The following EYS variants were observed in gnomAD, a reference collection of about 807,000 sequenced individuals.
EYS encodes the protein EGF-like photoreceptor maintenance factor.
In EYS, 250 loss-of-function variants were observed where a neutral mutation model predicts 282.1. The ratio of observed to expected loss-of-function variants is 0.89; its 90% CI spans 0.80 to 0.98. The LOEUF (loss-of-function observed/expected upper bound fraction) is 0.98. EYS is among the 50% of genes least tolerant of loss of function. The pLI, the probability that EYS is intolerant of heterozygous loss-of-function variation, is 0.00. For synonymous variants in EYS, 1,355 were observed against 1,282.9 expected (o/e 1.06, Z -1.20); for missense variants, 4,016 against 3,709.0 (o/e 1.08, Z -2.15).
chr6:63,913,475 C>T (rs1322981537), intron 35 of EYS, among the ~76,000 whole-genome samples: 1 of 152,208 alleles, frequency 6.6e-6, no homozygotes, highest in African/African-American at 2.4e-5. Flanking sequence ...AAGCTCCATG[C>T]CCATTATCAT....
At chr6:65,057,775 T>C (rs759511671) in intron 12 of EYS, 48 bp from the exon 13 acceptor site, 2 of 1,247,678 alleles carry the variant, frequency 1.6e-6, no homozygotes, top group Non-Finnish European at 2.3e-6. Flanking sequence ...AAGACAGGCA[T>C]GTATCAAGTC....
At chr6:65,610,772 T>C (rs1052983950) in intron 2 of EYS, among the ~76,000 whole-genome samples, 5 of 152,146 alleles carry the variant, frequency 3.3e-5, no homozygotes, top group African/African-American at 4.8e-5. Context: ...CTAATTCTGC[T>C]ATTTACTCAC....
At chr6:64,953,830 C>A (rs987602281) in intron 14 of EYS, among the ~76,000 whole-genome samples, 3 of 151,808 alleles carry the variant, frequency 2.0e-5, no homozygotes, top group African/African-American at 4.8e-5. Flanking sequence ...AACACAATTT[C>A]TTTTACTTGG....
intron 26 of EYS, among the ~76,000 whole-genome samples, chr6:64,455,348 A>G (rs1187335759): frequency 6.6e-6 from 1 of 152,154 alleles, no homozygotes. Context: ...AAATAATGAC[A>G]ATAAGATTTC....
intron 31 of EYS, among the ~76,000 whole-genome samples, chr6:64,177,895 A>G (rs1334736981): frequency 6.6e-6 from 1 of 152,106 alleles, no homozygotes; most frequent in African/African-American, 2.4e-5. Flanking sequence ...AAACTCTCAC[A>G]TCTTTAGGGG....
intron 30 of EYS, among the ~76,000 whole-genome samples, chr6:64,276,518 T>C (rs1768120431): frequency 6.6e-6 from 1 of 152,134 alleles, no homozygotes; most frequent in Non-Finnish European, 1.5e-5. Flanking sequence ...TGAACTTAAA[T>C]TGGAGTCATG....
Position 63,778,015 on chromosome 6 carries a change from G to C in EYS, c.7889C>G (p.Thr2630Ser), listed in dbSNP as rs1770108495. Reference protein sequence around the residue: ...GNGGTCIESGTSVYCNCTTGW... With the variant: ...GNGGTCIESGSSVYCNCTTGW... ...ATAACGTCATACTTACTAAACACTAGTTCCACTCTCTATGCATGTCCCACC... is the reference window on the plus strand; with the variant it reads ...ATAACGTCATACTTACTAAACACTACTTCCACTCTCTATGCATGTCCCACC... Residue 2630 changes from threonine to serine, a missense_variant, in exon 40 of 43, where the codon ACT becomes AGT. Coordinates refer to ENST00000503581, the MANE Select transcript of EYS (RefSeq NM_001142800.2). 4 of 1,551,446 alleles carry C rather than the reference G, an allele frequency of 2.6e-6. No individual in the cohort carries two copies. Among genetic ancestry groups the C allele is most frequent in the Non-Finnish European group, 3.5e-6 (4 of 1,146,884 alleles).
At chr6:64,115,317 G>T (rs1400284440) in intron 31 of EYS, among the ~76,000 whole-genome samples, 1 of 152,122 alleles carries the variant, frequency 6.6e-6, no homozygotes, top group Non-Finnish European at 1.5e-5. Flanking sequence ...TAGTCATTGT[G>T]TGTCACTTGT....
intron 20 of EYS, 84 bp downstream of exon 20, chr6:64,822,567 T>G: frequency 8.8e-7 from 1 of 1,137,508 alleles, no homozygotes; most frequent in Non-Finnish European, 1.2e-6. Context: ...AAAATTATCT[T>G]TATCAACTTT....
chr6:64,590,219 T>C lies in EYS; in HGVS notation c.5644+4A>G. The C allele has an allele frequency of 6.6e-7, 1 of 1,523,980 alleles. No homozygotes were observed. The highest frequency in any genetic ancestry group is 1.7e-4 in the Middle Eastern group (1 of 5,794). 94.4% of individuals were successfully genotyped at this position (1,523,980 alleles called of 1,614,324 possible). A position where few individuals can be genotyped will look rare whatever the true frequency, so the allele number is the denominator to read the frequency against. On this transcript the variant is annotated splice_donor_region_variant and intron_variant, in intron 26 of 42. Transcript: ENST00000503581. ...GTTTACTGAACAGAAACTGAGAAAC[T>C]CACCAGAAATCATCAGCCGTTGAGG...
chr6:64,304,537 A>G (rs1241863490), intron 30 of EYS, among the ~76,000 whole-genome samples: 3 of 150,496 alleles, frequency 2.0e-5, no homozygotes, highest in East Asian at 2.0e-4. Flanking sequence ...TTAGGCCACA[A>G]ATTAAATCTC....
chr6:65,340,881 G>A (rs1265147236), intron 10 of EYS, among the ~76,000 whole-genome samples: 2 of 150,966 alleles, frequency 1.3e-5, no homozygotes. Flanking sequence ...CACTCTCAAG[G>A]CTGGATAGCA....
chr6:65,258,720 A>G (rs1767538592), intron 12 of EYS, among the ~76,000 whole-genome samples: 1 of 152,096 alleles, frequency 6.6e-6, no homozygotes, highest in South Asian at 2.1e-4. Context: ...CCAAACAGGT[A>G]TGCCACTGCA....
chr6:64,083,651 T>C (rs1772049828), intron 31 of EYS, among the ~76,000 whole-genome samples: 1 of 152,216 alleles, frequency 6.6e-6, no homozygotes, highest in Non-Finnish European at 1.5e-5. Context: ...TTAAAACTGG[T>C]TGTTTCTTTC....
At chr6:65,507,754 T>C (rs1766710354) in intron 2 of EYS, among the ~76,000 whole-genome samples, 1 of 152,188 alleles carries the variant, frequency 6.6e-6, no homozygotes, top group South Asian at 2.1e-4. Context: ...TTATTTCTAT[T>C]ATGGTATTTT....
At chr6:64,407,889 G>A (rs887551323) in intron 28 of EYS, among the ~76,000 whole-genome samples, 1 of 151,932 alleles carries the variant, frequency 6.6e-6, no homozygotes, top group Non-Finnish European at 1.5e-5. Flanking sequence ...CCACAACCAC[G>A]CCCAGCTAAT....
intron 22 of EYS, among the ~76,000 whole-genome samples, chr6:64,775,147 A>T (rs953895216): frequency 6.6e-6 from 1 of 151,970 alleles, no homozygotes; most frequent in Non-Finnish European, 1.5e-5. Context: ...GACATTCCAA[A>T]TCAAATTATT....
intron 22 of EYS, among the ~76,000 whole-genome samples, chr6:64,669,079 A>T (rs181018904): frequency 4.6e-5 from 7 of 152,310 alleles, no homozygotes; most frequent in Admixed American, 4.6e-4. Flanking sequence ...TGCTGTAAAA[A>T]ATAGCATTTT....
At chr6:64,323,137 A>G (rs1770279380) in intron 29 of EYS, among the ~76,000 whole-genome samples, 1 of 95,028 alleles carries the variant, frequency 1.1e-5, no homozygotes, top group Admixed American at 1.1e-4. Context: ...AACCATTACT[A>G]CAATTAATTT....
Sources: gnomAD v4.1 joint callset for allele counts (sites outside exome capture counted in the v4.1 genomes callset) on GRCh38, gnomAD v4.1.1 for gene constraint, MANE v1.5 for transcripts, NCBI Gene and HGNC (gene_info 2026-07-23, HGNC 2026-07-21) for gene names.